SYNPR: variants seen among roughly 807,000 people sequenced by gnomAD.
SYNPR encodes synaptoporin.
Under a neutral mutation model 32.9 loss-of-function variants are expected in SYNPR, and 23 were observed. The observed-to-expected ratio is 0.70, with a 90% confidence interval of 0.50 to 0.99. The LOEUF (loss-of-function observed/expected upper bound fraction) is 0.99, where lower values mean the gene tolerates loss of function less well. Among genes scored for constraint, SYNPR ranks in the 50% least tolerant of loss-of-function variants. The pLI is 0.00. For missense variants in SYNPR, 318 were observed against 349.3 expected, an observed-to-expected ratio of 0.91 and a Z score of 0.71; for synonymous variants, 146 against 135.9, an observed-to-expected ratio of 1.07 and a Z score of -0.52.
intron 2 of SYNPR, among the ~76,000 whole-genome samples, chr3:63,309,680 A>AT (rs1370984879): frequency 6.6e-6 from 1 of 151,892 alleles, no homozygotes; most frequent in African/African-American, 2.4e-5. Context: ...AGCATCAGAT[A>AT]TTCCCCCATC....
In SYNPR at chr3:63,296,090, T is replaced by C. The variant is rs540395091; in HGVS notation, c.84+17348T>C. Among the ~76,000 whole-genome samples the C allele has an allele frequency of 6.0e-4, 91 of 152,108 alleles. 1 individual carries two copies. The highest frequency in any genetic ancestry group is 1.0e-3 in the Non-Finnish European group (70 of 68,018). The stretch of plus-strand genomic sequence containing the variant: ...GGAGGAAACCTGCATGGGGCCATCA[T>C]ATGAGGCAACACAAGTGATAAGAGG... On this transcript the variant is annotated intron_variant, in intron 2 of 5. Transcript: ENST00000478300.
At chr3:63,304,111 C>T (rs2086883839) in intron 2 of SYNPR, among the ~76,000 whole-genome samples, 1 of 151,986 alleles carries the variant, frequency 6.6e-6, no homozygotes. Flanking sequence ...GTTTATTCTG[C>T]AGCAGTGATA....
chr3:63,318,378 C>G (rs1264978080), intron 2 of SYNPR, among the ~76,000 whole-genome samples: 3 of 151,994 alleles, frequency 2.0e-5, no homozygotes, highest in Non-Finnish European at 4.4e-5. Context: ...TCTTCTTCCT[C>G]AGGAACACTG....
In SYNPR at chr3:63,302,623, ATATT is replaced by A. The variant is rs549632156; in HGVS notation, c.84+23887_84+23890del. 4.8e-3 allele frequency among the ~76,000 whole-genome samples: 728 copies of A among 152,194 alleles called. 5 individuals are homozygous for A. The highest frequency in any genetic ancestry group is 0.017 in the African/African-American group (699 of 41,552). The stretch of plus-strand genomic sequence containing the variant: ...ACATACATTTTATTAAAATTTTTAC[ATATT>A]TATTTTCATTAATGAAATAAGGCAC... On this transcript the variant is annotated intron_variant, in intron 2 of 5. Coordinates refer to ENST00000478300, the MANE Select transcript of SYNPR (RefSeq NM_001130003.2).
chr3:63,355,628 T>G (rs908264153), intron 2 of SYNPR, among the ~76,000 whole-genome samples: 1 of 152,210 alleles, frequency 6.6e-6, no homozygotes, highest in Non-Finnish European at 1.5e-5. Flanking sequence ...TAACTTCTGA[T>G]GCACCGGTCC....
intron 2 of SYNPR, among the ~76,000 whole-genome samples, chr3:63,348,165 C>A (rs2107013261): frequency 6.6e-6 from 1 of 152,188 alleles, no homozygotes; most frequent in South Asian, 2.1e-4. Context: ...TATGTGGTCC[C>A]TTTTTTCCAT....
intron 3 of SYNPR, among the ~76,000 whole-genome samples, chr3:63,504,029 C>T (rs115792513): frequency 0.016 from 2,482 of 152,096 alleles, 66 homozygotes; most frequent in African/African-American, 0.056. Context: ...GAAAACCTTA[C>T]GTTATTTTCA....
chr3:63,345,408 T>C (rs769842240), intron 2 of SYNPR, among the ~76,000 whole-genome samples: 1 of 152,212 alleles, frequency 6.6e-6, no homozygotes, highest in Non-Finnish European at 1.5e-5. Context: ...TAATTTTGCA[T>C]AGTCAGTTTC....
intron 3 of SYNPR, among the ~76,000 whole-genome samples, chr3:63,521,548 C>T (rs1015238310): frequency 1.3e-5 from 2 of 152,124 alleles, no homozygotes; most frequent in Non-Finnish European, 1.5e-5. Flanking sequence ...AAAACAGAAG[C>T]ACAAATTACA....
chr3:63,606,915 G>C lies in SYNPR; in HGVS notation c.409-2210G>C, dbSNP rs187780499. Among the ~76,000 whole-genome samples the C allele has an allele frequency of 8.1e-4, 123 of 152,112 alleles. 1 individual carries two copies. The highest frequency in any genetic ancestry group is 2.8e-3 in the African/African-American group (117 of 41,506). ...TATCTATTTCATGGTGCAGTTGTCA[G>C]GATTAAATGAGTCAAAACATATAAA... On this transcript the variant is annotated intron_variant, in intron 4 of 5. Transcript: ENST00000478300.
At chr3:63,292,048 T>C (rs563203311) in intron 2 of SYNPR, among the ~76,000 whole-genome samples, 1 of 152,312 alleles carries the variant, frequency 6.6e-6, no homozygotes, top group African/African-American at 2.4e-5. Context: ...GTGACTGTAC[T>C]GAATACTGTA....
In SYNPR at chr3:63,311,365, T is replaced by C. The variant is rs1294474167; in HGVS notation, c.84+32623T>C. On this transcript the variant is annotated intron_variant, in intron 2 of 5. Coordinates refer to ENST00000478300, the MANE Select transcript of SYNPR (RefSeq NM_001130003.2). The stretch of plus-strand genomic sequence containing the variant: ...TTTAGATAAAGTTTTAGCCAGCTTT[T>C]ATCTATAAAAGTAGATAATGTAGAG... 3.9e-5 allele frequency among the ~76,000 whole-genome samples: 6 copies of C among 152,140 alleles called. No homozygotes were observed. The East Asian group carries it at 1.2e-3, about 30-fold the overall frequency.
intron 2 of SYNPR, among the ~76,000 whole-genome samples, chr3:63,386,256 G>T (rs2088043455): frequency 6.6e-6 from 1 of 152,194 alleles, no homozygotes; most frequent in African/African-American, 2.4e-5. Flanking sequence ...AGTGAGTTTT[G>T]AACCCTGCTT....
intron 4 of SYNPR, among the ~76,000 whole-genome samples, chr3:63,597,075 A>G (rs1268154156): frequency 6.6e-6 from 1 of 152,166 alleles, no homozygotes; most frequent in Non-Finnish European, 1.5e-5. Flanking sequence ...TATGTTATAT[A>G]TTAATATAAT....
chr3:63,367,414 C>T (rs1489545443), intron 2 of SYNPR, among the ~76,000 whole-genome samples: 1 of 151,992 alleles, frequency 6.6e-6, no homozygotes, highest in East Asian at 1.9e-4. Context: ...GGCTGGAGTG[C>T]AGTCCTGCGA....
At chr3:63,561,366 A>T (rs1702686162) in intron 4 of SYNPR, 1 of 152,202 alleles carries the variant, frequency 6.6e-6, no homozygotes, top group Non-Finnish European at 1.5e-5. Flanking sequence ...TAGAGCAGTT[A>T]CCAACTCTCT....
chr3:63,320,338 T>C (rs2087097815), intron 2 of SYNPR, among the ~76,000 whole-genome samples: 1 of 152,068 alleles, frequency 6.6e-6, no homozygotes, highest in Non-Finnish European at 1.5e-5. Context: ...GGCTTAGTCC[T>C]TTAAAAAGGT....
chr3:63,391,868 C>T (rs999313599), intron 2 of SYNPR, among the ~76,000 whole-genome samples: 3 of 152,102 alleles, frequency 2.0e-5, no homozygotes, highest in African/African-American at 7.2e-5. Context: ...ATTGTATGTA[C>T]CCGATGTCTC....
chr3:63,463,705 T>C (rs1016129455), intron 2 of SYNPR, among the ~76,000 whole-genome samples: 3 of 152,068 alleles, frequency 2.0e-5, no homozygotes, highest in Non-Finnish European at 4.4e-5. Flanking sequence ...GTCCATAGCT[T>C]TCAGGAGGTT....
Sources: gnomAD v4.1 joint callset for allele counts (sites outside exome capture counted in the v4.1 genomes callset) on GRCh38, gnomAD v4.1.1 for gene constraint, MANE v1.5 for transcripts, NCBI Gene and HGNC (gene_info 2026-07-23, HGNC 2026-07-21) for gene names.